The following NELL2 variants were observed in gnomAD, a reference collection of about 807,000 sequenced individuals.
The protein encoded by NELL2 is neural EGFL like 2, also known as protein kinase C-binding protein NELL2.
Under a neutral mutation model 109.6 loss-of-function variants are expected in NELL2, and 41 were observed. The observed-to-expected ratio is 0.37, with a 90% confidence interval of 0.29 to 0.49. The LOEUF (loss-of-function observed/expected upper bound fraction) is 0.49, where lower values mean the gene tolerates loss of function less well. Ranked by LOEUF, NELL2 falls within the 20% of genes least tolerant of loss-of-function variation. The pLI is 0.98. For missense variants in NELL2, 900 were observed against 1,008.3 expected, an observed-to-expected ratio of 0.89 and a Z score of 1.45; for synonymous variants, 355 against 344.7, an observed-to-expected ratio of 1.03 and a Z score of -0.33.
At chr12:44,761,370 A>AAAAC (rs201902563) in intron 9 of NELL2, among the ~76,000 whole-genome samples, 7 of 152,264 alleles carry the variant, frequency 4.6e-5, no homozygotes, top group Middle Eastern at 3.4e-3. Flanking sequence ...CTCCGTCTCA[A>AAAAC]AAACAAACAA....
chr12:44,573,068 T>A (rs1353243921), intron 15 of NELL2, among the ~76,000 whole-genome samples: 1 of 152,250 alleles, frequency 6.6e-6, no homozygotes, highest in East Asian at 1.9e-4. Context: ...TCTCCAATAA[T>A]ATGGATTGAG....
At chr12:44,887,060 A>T (rs1945481795) in intron 1 of NELL2, among the ~76,000 whole-genome samples, 1 of 152,132 alleles carries the variant, frequency 6.6e-6, no homozygotes, top group African/African-American at 2.4e-5. Context: ...GGCTACTGTG[A>T]ATAGTGCTGA....
At chr12:44,785,142 G>C (rs920429296) in intron 3 of NELL2, among the ~76,000 whole-genome samples, 1 of 152,044 alleles carries the variant, frequency 6.6e-6, no homozygotes, top group Non-Finnish European at 1.5e-5. Context: ...CCATCATCTT[G>C]GCCCCAAAAC....
rs761053161 is a variant in NELL2 at position 44,815,972 on chromosome 12, G to A, written c.335+14C>T. The stretch of plus-strand genomic sequence containing the variant: ...TATAATGAAAACACAGGAAACTCCA[G>A]CAACCACATTTACCTGTGATCCAAG... On this transcript the variant is annotated intron_variant, in intron 3 of 19. Coordinates refer to ENST00000429094, the MANE Select transcript of NELL2 (RefSeq NM_001145108.2). The A allele has an allele frequency of 2.5e-6, 4 of 1,602,876 alleles. No homozygotes were observed. Among genetic ancestry groups the A allele is most frequent in the Non-Finnish European group, 3.4e-6 (4 of 1,177,034 alleles).
In NELL2 at chr12:44,714,740, C is replaced by A. The variant is rs560674777; in HGVS notation, c.996G>T (p.Ser332=). 23 of 1,579,986 alleles carry A rather than the reference C, an allele frequency of 1.5e-5. No individual in the cohort carries two copies. In the South Asian group the frequency reaches 2.6e-4, roughly 18 times the overall value. ...VDGKCCKECK[S]ICQFQGRTYF... ...AGGTTCGTCCTTGAAATTGGCATAT[C>A]GCTTTGGAGTAAAAAATACATATAT... The change falls in exon 10 of 20, where the codon TCG becomes TCT. Residue 332 remains serine (S), a splice_region_variant and synonymous_variant. Transcript: ENST00000429094.
intron 3 of NELL2, among the ~76,000 whole-genome samples, 169 bp from the exon 4 acceptor site, chr12:44,780,191 A>C: frequency 6.6e-6 from 1 of 152,168 alleles, no homozygotes; most frequent in Non-Finnish European, 1.5e-5. Flanking sequence ...ATAGAGAAAA[A>C]AAGATATTCA....
In NELL2 at chr12:44,649,348, C is replaced by A. The variant is rs766002825; in HGVS notation, c.1444+16136G>T. On this transcript the variant is annotated intron_variant, in intron 13 of 19. Coordinates refer to ENST00000429094, the MANE Select transcript of NELL2 (RefSeq NM_001145108.2). ...AGGAGGCAGGGTGCCCCTACCACTA[C>A]AGAAGCCAAAAGAGGCAAGATGCTT... Among the ~76,000 whole-genome samples, 18 of 152,258 alleles carry A rather than the reference C, an allele frequency of 1.2e-4. No individual in the cohort carries two copies. The Middle Eastern group carries it at 0.02, about 173-fold the overall frequency.
intron 15 of NELL2, among the ~76,000 whole-genome samples, chr12:44,596,188 T>A (rs903852192): frequency 6.6e-6 from 1 of 152,230 alleles, no homozygotes; most frequent in Admixed American, 6.5e-5. Flanking sequence ...TGCATCTTCA[T>A]ACACATCATG....
chr12:44,747,184 C>T (rs919995773), intron 9 of NELL2, among the ~76,000 whole-genome samples: 13 of 151,932 alleles, frequency 8.6e-5, no homozygotes, highest in Non-Finnish European at 1.5e-4. Flanking sequence ...TCATTCTCAG[C>T]GAACTATCGC....
chr12:44,691,102 C>T (rs1252865037), intron 12 of NELL2, among the ~76,000 whole-genome samples: 2 of 152,104 alleles, frequency 1.3e-5, no homozygotes, highest in East Asian at 1.9e-4. Context: ...AAGAAGAATA[C>T]AGGCATACCT....
chr12:44,892,336 C>G (rs1416184586), intron 1 of NELL2, among the ~76,000 whole-genome samples: 2 of 152,152 alleles, frequency 1.3e-5, no homozygotes, highest in Non-Finnish European at 2.9e-5. Context: ...TCTCCATCAC[C>G]ACCACCATGC....
intron 15 of NELL2, among the ~76,000 whole-genome samples, chr12:44,537,066 C>G (rs1306479579): frequency 2.0e-5 from 3 of 148,530 alleles, no homozygotes; most frequent in Non-Finnish European, 4.5e-5. Flanking sequence ...AAAACAAGCT[C>G]ATATACATCA....
upstream of NELL2, among the ~76,000 whole-genome samples, chr12:44,879,570 AG>A (rs1945387667): frequency 6.6e-6 from 1 of 152,008 alleles, no homozygotes; most frequent in Admixed American, 6.5e-5. Context: ...AGAAAGCAAT[AG>A]GTGGTGCAAG....
At chr12:44,707,355 C>A (rs533195813) in intron 11 of NELL2, among the ~76,000 whole-genome samples, 24 of 152,090 alleles carry the variant, frequency 1.6e-4, no homozygotes, top group African/African-American at 5.1e-4. Context: ...ATGATATGAG[C>A]GTAAGAATGT....
At chr12:44,637,110 A>AT (rs1946667061) in intron 13 of NELL2, among the ~76,000 whole-genome samples, 1 of 151,666 alleles carries the variant, frequency 6.6e-6, no homozygotes, top group Non-Finnish European at 1.5e-5. Flanking sequence ...CCCCTTTATC[A>AT]TTTTTTATTG....
At chr12:44,590,676 A>T (rs12423103) in intron 15 of NELL2, among the ~76,000 whole-genome samples, 1 of 151,936 alleles carries the variant, frequency 6.6e-6, no homozygotes, top group African/African-American at 2.4e-5. Context: ...CACAGAAGAA[A>T]ACATAGGTGA....
chr12:44,746,779 C>T (rs1940386407), intron 9 of NELL2, among the ~76,000 whole-genome samples: 1 of 152,092 alleles, frequency 6.6e-6, no homozygotes, highest in African/African-American at 2.4e-5. Context: ...GAATGGCGAT[C>T]ATTAAAAAGT....
chr12:44,633,536 C>G (rs969015869), intron 13 of NELL2, among the ~76,000 whole-genome samples: 4 of 152,104 alleles, frequency 2.6e-5, no homozygotes, highest in African/African-American at 9.7e-5. Flanking sequence ...TTGTCAGTTA[C>G]TAATGGAGAG....
At chr12:44,610,747 G>A in intron 14 of NELL2, 101 bp downstream of exon 14, 2 of 1,497,802 alleles carry the variant, frequency 1.3e-6, no homozygotes, top group South Asian at 2.4e-5. Flanking sequence ...TCTGTAGGAA[G>A]TACCTGGAAT....
Sources: gnomAD v4.1 joint callset for allele counts (sites outside exome capture counted in the v4.1 genomes callset) on GRCh38, gnomAD v4.1.1 for gene constraint, MANE v1.5 for transcripts, NCBI Gene and HGNC (gene_info 2026-07-23, HGNC 2026-07-21) for gene names.